TMF1: variants seen among roughly 807,000 people sequenced by gnomAD.
TMF1 encodes TATA element modulatory factor 1, also known as TATA element modulatory factor.
A neutral mutation model predicts 126.5 loss-of-function variants in TMF1; 71 were observed. That is an observed-to-expected ratio of 0.56 (90% CI 0.46 to 0.68). TMF1 has a LOEUF of 0.68. Ranked by LOEUF, TMF1 falls within the 30% of genes least tolerant of loss-of-function variation. TMF1 has a pLI of 0.00. For synonymous variants in TMF1, 461 were observed against 430.5 expected, an observed-to-expected ratio of 1.07 and a Z score of -0.88; for missense variants, 1,259 against 1,253.2, an observed-to-expected ratio of 1.00 and a Z score of -0.07.
chr3:69,052,208 G>A lies in TMF1; in HGVS notation c.-122C>T, dbSNP rs1472909957. 4.3e-6 allele frequency: 5 copies of A among 1,162,566 alleles called. No homozygotes were observed. Among genetic ancestry groups the A allele is most frequent in the African/African-American group, 1.6e-5 (1 of 63,566 alleles). 72.0% of individuals were successfully genotyped at this position (1,162,566 alleles called of 1,614,324 possible). A position where few individuals can be genotyped will look rare whatever the true frequency, so the allele number is the denominator to read the frequency against. ...ACTCGGCTGGTTCTGTCAGCGTGTG[G>A]CCATTACCCCGACAGCCTCCCGCGA... On this transcript the variant is annotated 5_prime_UTR_variant, in exon 1 of 17. Coordinates refer to ENST00000398559, the MANE Select transcript of TMF1 (RefSeq NM_007114.3).
chr3:69,031,349 A>G (rs1031582718), intron 10 of TMF1, among the ~76,000 whole-genome samples: 7 of 152,188 alleles, frequency 4.6e-5, no homozygotes, highest in African/African-American at 1.7e-4. Flanking sequence ...GAAGGACTCA[A>G]TAGTGTTGGA....
intron 10 of TMF1, 131 bp from the exon 11 acceptor site, chr3:69,030,138 A>C: frequency 1.4e-6 from 1 of 696,826 alleles, no homozygotes; most frequent in Non-Finnish European, 2.3e-6. Context: ...TTATTGCCTA[A>C]GGCAGGACTG....
At chr3:69,025,921 A>G (rs2091764775) in intron 14 of TMF1, 75 bp downstream of exon 14, 1 of 1,319,632 alleles carries the variant, frequency 7.6e-7, no homozygotes, top group Non-Finnish European at 1.1e-6. Context: ...TCATGATGAC[A>G]GACAATATTG....
intron 10 of TMF1, among the ~76,000 whole-genome samples, chr3:69,032,347 A>T (rs1333977204): frequency 6.6e-6 from 1 of 152,188 alleles, no homozygotes; most frequent in Admixed American, 6.5e-5. Flanking sequence ...GATGATTCAA[A>T]ACAGAATACC....
intron 8 of TMF1, chr3:69,035,497 A>C: frequency 6.0e-6 from 1 of 166,108 alleles, no homozygotes; most frequent in Admixed American, 5.9e-5. Context: ...ATACATTATA[A>C]ACTACCATAG....
At position 69,052,245 on chromosome 3, in the gene TMF1, T is replaced by TA; in HGVS notation, c.-160dup. 1 of 764,408 alleles carries TA rather than the reference T, an allele frequency of 1.3e-6. No individual in the cohort carries two copies. Among genetic ancestry groups the TA allele is most frequent in the Non-Finnish European group, 2.0e-6 (1 of 505,988 alleles). The allele number at this position is 764,408 out of a possible 1,614,324, so 47.4% of individuals were successfully genotyped here. On this transcript the variant is annotated 5_prime_UTR_variant, in exon 1 of 17. It removes the in-frame stop codon of an upstream open reading frame in the 5' UTR. Transcript: ENST00000398559. ...ACAGCCTCCCGCGAGCCCGGGATGT[T>TA]ACCCTCGGCCGTTCCCGCACAGCTG... is the stretch of plus-strand genomic sequence containing the variant.
At chr3:69,025,847 T>C in intron 14 of TMF1, 135 bp from the exon 15 acceptor site, 6 of 1,176,494 alleles carry the variant, frequency 5.1e-6, no homozygotes, top group Non-Finnish European at 6.0e-6. Flanking sequence ...TTCACGTGTT[T>C]CCTCTCACTA....
chr3:69,048,203 T>G lies in TMF1; in HGVS notation c.502A>C (p.Thr168Pro). The part of the protein sequence containing the change: ...CVSGETLAAG[T>P]SSPKTEGKHE... ...TTGCCTTCAGTTTTAGGTGATGAAG[T>G]ACCTGCTGCCAGAGTTTCCCCTGAA... The change falls in exon 2 of 17, where the codon ACT becomes CCT. Residue 168 changes from threonine to proline, a missense_variant. Transcript: ENST00000398559. 2 of 1,614,232 alleles carry G rather than the reference T, an allele frequency of 1.2e-6. No homozygotes were observed. Among genetic ancestry groups the G allele is most frequent in the Non-Finnish European group, 1.7e-6 (2 of 1,180,028 alleles).
intron 1 of TMF1, among the ~76,000 whole-genome samples, chr3:69,050,259 C>CA (rs561794015): frequency 0.072 from 5,169 of 71,344 alleles, 111 homozygotes; most frequent in African/African-American, 0.12. Context: ...GACTGTGTCT[C>CA]AAAAAAAAAA....
chr3:69,028,531 G>T (rs1418044513), intron 11 of TMF1, among the ~76,000 whole-genome samples: 1 of 152,164 alleles, frequency 6.6e-6, no homozygotes, highest in Non-Finnish European at 1.5e-5. Flanking sequence ...GGTGCTCTGG[G>T]TTAAGATTTC....
rs1035735381 is a variant in TMF1 at position 69,028,385 on chromosome 3, T to C, written c.2595-90A>G. ...AACTCAGTACTTTATTAACTCCAGC[T>C]ACATATTGAGAAATCATTTTTATTA... On this transcript the variant is annotated intron_variant, in intron 11 of 16. Transcript: ENST00000398559. The C allele has an allele frequency of 5.2e-6, 4 of 766,340 alleles. No individual in the cohort carries two copies. In the Admixed American group the frequency reaches 9.9e-5, roughly 19 times the overall value. 47.5% of individuals were successfully genotyped at this position (766,340 alleles called of 1,614,324 possible). A position where few individuals can be genotyped will look rare whatever the true frequency, so the allele number is the denominator to read the frequency against.
At chr3:69,042,399 A>G (rs901332263) in intron 5 of TMF1, 12 of 456,630 alleles carry the variant, frequency 2.6e-5, no homozygotes, top group Non-Finnish European at 5.3e-5. Flanking sequence ...AAATTAATAC[A>G]ATGAAAAATT....
chr3:69,036,226 G>C (rs1386079601), intron 8 of TMF1, among the ~76,000 whole-genome samples: 1 of 151,898 alleles, frequency 6.6e-6, no homozygotes, highest in South Asian at 2.1e-4. Flanking sequence ...TTATAAAACA[G>C]TATAAACAAT....
rs2091722454 is a variant in TMF1, at chr3:69,020,310, T to A, written c.*2867A>T. ...ATAGATATATTTGGTACATTCCACA[T>A]GCTAAACACTGTACAACTGGCAATT... On this transcript the variant is annotated 3_prime_UTR_variant, in exon 17 of 17. Transcript: ENST00000398559. 1 of 152,154 alleles carries A rather than the reference T, an allele frequency of 6.6e-6. No individual in the cohort carries two copies. Among genetic ancestry groups the A allele is most frequent in the Admixed American group, 6.5e-5 (1 of 15,280 alleles). The allele number at this position is 152,154 out of a possible 1,614,324, so 9.4% of individuals were successfully genotyped here.
chr3:69,023,679 A>C (rs576739752), intron 16 of TMF1, among the ~76,000 whole-genome samples: 1 of 152,122 alleles, frequency 6.6e-6, no homozygotes, highest in South Asian at 2.1e-4. Flanking sequence ...CACAGGAAAG[A>C]TCAAAAGAAA....
chr3:69,036,506 G>A (rs541019601), intron 8 of TMF1, among the ~76,000 whole-genome samples: 1 of 152,268 alleles, frequency 6.6e-6, no homozygotes, highest in African/African-American at 2.4e-5. Flanking sequence ...GTGTATGTAC[G>A]CAGAACATGT....
In TMF1 at chr3:69,028,308, GC is replaced by G; in HGVS notation, c.2595-14del. ...TTCAACCTGGTACCTATTAAACAAG[GC>G]AGAATTTAAAAAAACAGAAAATGAA... On this transcript the variant is annotated splice_polypyrimidine_tract_variant and intron_variant, in intron 11 of 16. Transcript: ENST00000398559. 6.3e-7 allele frequency: 1 copy of G among 1,589,112 alleles called. No individual in the cohort carries two copies. Among genetic ancestry groups the G allele is most frequent in the South Asian group, 1.1e-5 (1 of 90,244 alleles).
chr3:69,038,850 C>A lies in TMF1; in HGVS notation c.1987G>T (p.Ala663Ser), dbSNP rs774339640. 3.8e-6 allele frequency: 6 copies of A among 1,599,558 alleles called. No individual in the cohort carries two copies. The African/African-American group carries it at 8.1e-5, about 22-fold the overall frequency. ...NRSIQAALDSAYKELTDLHKA... is the reference protein window; with the variant it reads ...NRSIQAALDSSYKELTDLHKA... ...ATTTGTTCATTTTCTTACTTGTATGCACTATCCAGGGCAGCCTGAATACTT... is the reference window on the plus strand; with the variant it reads ...ATTTGTTCATTTTCTTACTTGTATGAACTATCCAGGGCAGCCTGAATACTT... Residue 663 changes from alanine (A) to serine (S), a missense_variant, in exon 7 of 17, where the codon GCA becomes TCA. Coordinates refer to ENST00000398559, the MANE Select transcript of TMF1 (RefSeq NM_007114.3).
chr3:69,038,844 T>C lies in TMF1; in HGVS notation c.1993A>G (p.Lys665Glu). 1 of 1,595,840 alleles carries C rather than the reference T, an allele frequency of 6.3e-7. No individual in the cohort carries two copies. The highest frequency in any genetic ancestry group is 8.5e-7 in the Non-Finnish European group (1 of 1,172,726). The change falls in exon 7 of 17, where the codon AAA becomes GAA. Residue 665 changes from lysine (K) to glutamate (E), a missense_variant and splice_region_variant. Coordinates refer to ENST00000398559, the MANE Select transcript of TMF1 (RefSeq NM_007114.3). ...SIQAALDSAY[K>E]ELTDLHKANA... Reference sequence around the variant, plus strand: ...TTGCATATTTGTTCATTTTCTTACTTGTATGCACTATCCAGGGCAGCCTGA... The same window carrying C: ...TTGCATATTTGTTCATTTTCTTACTCGTATGCACTATCCAGGGCAGCCTGA...
Sources: allele counts gnomAD v4.1 joint callset (sites outside exome capture counted in the v4.1 genomes callset), GRCh38; gene constraint gnomAD v4.1.1; transcripts MANE v1.5; gene names NCBI Gene and HGNC (gene_info 2026-07-23, HGNC 2026-07-21).